Variants in CACNA2D2 observed in about 807,000 individuals in gnomAD.
The protein encoded by CACNA2D2 is voltage-dependent calcium channel subunit alpha-2/delta-2.
In CACNA2D2, 48 loss-of-function variants were observed where a neutral mutation model predicts 166.4. The ratio of observed to expected loss-of-function variants is 0.29; its 90% CI spans 0.23 to 0.37. The LOEUF is 0.37. Ranked by LOEUF, CACNA2D2 falls within the 10% of genes least tolerant of loss-of-function variation. The pLI, the probability that CACNA2D2 is intolerant of heterozygous loss-of-function variation, is 1.00. For synonymous variants in CACNA2D2, 561 were observed against 573.7 expected (o/e 0.98, Z 0.32); for missense variants, 1,122 against 1,433.0 (o/e 0.78, Z 3.50).
At chr3:50,388,667 C>A (rs1705729172) in intron 4 of CACNA2D2, among the ~76,000 whole-genome samples, 1 of 152,236 alleles carries the variant, frequency 6.6e-6, no homozygotes, top group African/African-American at 2.4e-5. Context: ...GGGGCTCACT[C>A]AGTGTGTGAC....
chr3:50,464,467 G>A (rs1021574887), intron 2 of CACNA2D2, among the ~76,000 whole-genome samples: 1 of 152,194 alleles, frequency 6.6e-6, no homozygotes, highest in African/African-American at 2.4e-5. Flanking sequence ...TGAGTGGGTA[G>A]CAAAGCCTCA....
chr3:50,467,640 C>T (rs1042464959), intron 2 of CACNA2D2, among the ~76,000 whole-genome samples: 4 of 152,116 alleles, frequency 2.6e-5, no homozygotes, highest in African/African-American at 4.8e-5. Flanking sequence ...GAGGTCAGGC[C>T]CTCAAGCTCC....
intron 1 of CACNA2D2, among the ~76,000 whole-genome samples, chr3:50,493,948 TC>T (rs1698621507): frequency 6.6e-6 from 1 of 152,160 alleles, no homozygotes; most frequent in African/African-American, 2.4e-5. Context: ...CCTTCAAGTG[TC>T]CCAGATAGTC....
intron 2 of CACNA2D2, among the ~76,000 whole-genome samples, chr3:50,454,139 C>G (rs1054055979): frequency 2.6e-5 from 4 of 152,244 alleles, no homozygotes; most frequent in Non-Finnish European, 5.9e-5. Flanking sequence ...ATGGGCCACA[C>G]AGGCGCACCC....
Position 50,423,079 on chromosome 3 carries a change from A to C in CACNA2D2, c.405+11234T>G, listed in dbSNP as rs79935684. On this transcript the variant is annotated intron_variant, in intron 3 of 37. Coordinates refer to ENST00000424201, the MANE Select transcript of CACNA2D2 (RefSeq NM_006030.4). ...GCCCCTCAGTGCCAGTCACCAACCA[A>C]AGCTGCTCATTTCTGCCCTCCCCAG... Among the ~76,000 whole-genome samples the C allele has an allele frequency of 7.2e-3, 1,090 of 152,070 alleles. 12 individuals carry two copies. Among genetic ancestry groups the C allele is most frequent in the East Asian group, 0.049 (252 of 5,162 alleles).
Position 50,394,121 on chromosome 3 carries a change from C to T in CACNA2D2, c.453G>A (p.Gln151=), listed in dbSNP as rs773956475. 35 of 1,613,988 alleles carry T rather than the reference C, an allele frequency of 2.2e-5. No homozygotes were observed. Among genetic ancestry groups the T allele is most frequent in the Non-Finnish European group, 2.7e-5 (32 of 1,179,982 alleles). The change falls in exon 4 of 38, where the codon CAG becomes CAA. Residue 151 remains glutamine (Q), a synonymous_variant. Transcript: ENST00000424201. ...AENFQKAHRW[Q]DNIKEEDIVY... ...CTGGGGTTCCTACCTTGATGTTGTC[C>T]TGCCAGCGGTGTGCTTTCTGGAAGT...
intron 2 of CACNA2D2, among the ~76,000 whole-genome samples, chr3:50,439,860 T>C (rs1188027770): frequency 1.3e-5 from 2 of 152,184 alleles, no homozygotes; most frequent in Non-Finnish European, 2.9e-5. Context: ...CGACAGGTAG[T>C]GACCAGTTCA....
chr3:50,470,093 A>G (rs779278200), intron 2 of CACNA2D2, among the ~76,000 whole-genome samples: 5 of 152,224 alleles, frequency 3.3e-5, no homozygotes, highest in Non-Finnish European at 5.9e-5. Context: ...TCAGAATCCC[A>G]GAAGCCTTGG....
intron 2 of CACNA2D2, among the ~76,000 whole-genome samples, chr3:50,451,414 A>C (rs2236981): frequency 0.29 from 43,811 of 151,630 alleles, 8,939 homozygotes; most frequent in African/African-American, 0.54. Context: ...GCATGAGTCA[A>C]CACGCACGGC....
chr3:50,364,667 C>T lies in CACNA2D2; in HGVS notation c.3431G>A (p.Ter1144=), dbSNP rs1487559434. 4 of 1,522,854 alleles carry T rather than the reference C, an allele frequency of 2.6e-6. No individual in the cohort carries two copies. The highest frequency in any genetic ancestry group is 2.3e-4 in the Middle Eastern group (1 of 4,328). 94.3% of individuals were successfully genotyped at this position (1,522,854 alleles called of 1,614,324 possible). The part of the protein sequence containing the change: ...QVLVHASRRL[*] ...TGGAGGTGGGGTGGGGCAGGGTGCT[C>T]AGAGGCGGCGAGAGGCGTGGACGAG... Residue 1144 remains the stop codon, a stop_retained_variant, in exon 38 of 38, where the codon TGA becomes TAA. Coordinates refer to ENST00000424201, the MANE Select transcript of CACNA2D2 (RefSeq NM_006030.4).
Position 50,458,551 on chromosome 3 carries a change from A to G in CACNA2D2, c.288+17567T>C, listed in dbSNP as rs1368581991. The stretch of plus-strand genomic sequence containing the variant: ...CCCCCTGTTCATCAATTCACTGTCC[A>G]GGGCCCAGCGTAGATTTCACTTAAC... On this transcript the variant is annotated intron_variant, in intron 2 of 37. Coordinates refer to ENST00000424201, the MANE Select transcript of CACNA2D2 (RefSeq NM_006030.4). Among the ~76,000 whole-genome samples, 7 of 152,188 alleles carry G rather than the reference A, an allele frequency of 4.6e-5. No homozygotes were observed. In the East Asian group the frequency reaches 1.2e-3, roughly 25 times the overall value.
intron 1 of CACNA2D2, among the ~76,000 whole-genome samples, chr3:50,490,474 G>A (rs1348915588): frequency 2.0e-5 from 3 of 152,078 alleles, no homozygotes; most frequent in Non-Finnish European, 4.4e-5. Context: ...AGGTCAGTGG[G>A]TCTCTGGACA....
At chr3:50,433,543 T>G (rs1055670323) in intron 3 of CACNA2D2, among the ~76,000 whole-genome samples, 1 of 152,108 alleles carries the variant, frequency 6.6e-6, no homozygotes, top group African/African-American at 2.4e-5. Flanking sequence ...TTGGATTAGT[T>G]TGTCTTTGAC....
intron 1 of CACNA2D2, among the ~76,000 whole-genome samples, chr3:50,500,123 C>T (rs1188366286): frequency 6.6e-6 from 1 of 152,222 alleles, no homozygotes; most frequent in Admixed American, 6.5e-5. Context: ...CACCATTAAC[C>T]GTAGCTACAC....
At chr3:50,382,065 C>T (rs1232968368) in intron 6 of CACNA2D2, among the ~76,000 whole-genome samples, 1 of 151,958 alleles carries the variant, frequency 6.6e-6, no homozygotes, top group Admixed American at 6.6e-5. Flanking sequence ...CCTGCGGACC[C>T]TTCAACCTGG....
Position 50,367,917 on chromosome 3 carries a change from G to A in CACNA2D2, c.2144-15C>T, listed in dbSNP as rs1559876745. On this transcript the variant is annotated splice_polypyrimidine_tract_variant and intron_variant, in intron 24 of 37. Transcript: ENST00000424201. The surrounding 1 kb of genome is among the most constrained non-coding windows in gnomAD (Gnocchi z 6.5). The stretch of plus-strand genomic sequence containing the variant: ...GAAGTTGTTGCCTGGAACAGGAGGG[G>A]AGGGGTGGGGGTGGGGGCATCTTCT... The A allele has an allele frequency of 2.0e-6, 3 of 1,479,658 alleles. No individual in the cohort carries two copies. The highest frequency in any genetic ancestry group is 1.8e-4 in the Middle Eastern group (1 of 5,556). The allele number at this position is 1,479,658 out of a possible 1,614,324, so 91.7% of individuals were successfully genotyped here. A position where few individuals can be genotyped will look rare whatever the true frequency, so the allele number is the denominator to read the frequency against.
intron 3 of CACNA2D2, among the ~76,000 whole-genome samples, chr3:50,395,478 T>C (rs1706105144): frequency 6.6e-6 from 1 of 152,130 alleles, no homozygotes; most frequent in Non-Finnish European, 1.5e-5. Flanking sequence ...CACCCCACCC[T>C]GTCCCACAGT....
intron 1 of CACNA2D2, among the ~76,000 whole-genome samples, chr3:50,478,922 C>T (rs1697918757): frequency 1.3e-5 from 2 of 152,216 alleles, no homozygotes; most frequent in African/African-American, 4.8e-5. Flanking sequence ...ACTGATTCCA[C>T]CCCAGGCTGT....
At chr3:50,471,020 G>A (rs923040428) in intron 2 of CACNA2D2, among the ~76,000 whole-genome samples, 1 of 152,070 alleles carries the variant, frequency 6.6e-6, no homozygotes, top group Non-Finnish European at 1.5e-5. Context: ...GGAGGCAAGC[G>A]ACAGCAATCC....
Sources: gnomAD v4.1 joint callset for allele counts (sites outside exome capture counted in the v4.1 genomes callset) on GRCh38, gnomAD v4.1.1 for gene constraint, Gnocchi (gnomAD v3.1) non-coding constraint, MANE v1.5 for transcripts, NCBI Gene and HGNC (gene_info 2026-07-23, HGNC 2026-07-21) for gene names.